Variants in ROCK1 observed in about 807,000 individuals in gnomAD.
The protein encoded by ROCK1 is rho-associated protein kinase 1.
In ROCK1, 36 loss-of-function variants were observed where a neutral mutation model predicts 196.8. That is an observed-to-expected ratio of 0.18 (90% CI 0.14 to 0.24). The LOEUF (loss-of-function observed/expected upper bound fraction) is 0.24, where lower values mean the gene tolerates loss of function less well. Among genes scored for constraint, ROCK1 ranks in the 10% least tolerant of loss-of-function variants. The pLI is 1.00. For synonymous variants in ROCK1, 443 were observed against 515.9 expected (o/e 0.86, Z 1.91); for missense variants, 920 against 1,562.0 (o/e 0.59, Z 6.93).
At chr18:21,019,412 A>C (rs2035892874) in intron 12 of ROCK1, among the ~76,000 whole-genome samples, 2 of 152,074 alleles carry the variant, frequency 1.3e-5, no homozygotes, top group South Asian at 4.1e-4. Flanking sequence ...TGTGCAGCCT[A>C]ATTTGCCCTT....
At chr18:21,005,689 C>G (rs2035762512) in intron 16 of ROCK1, among the ~76,000 whole-genome samples, 1 of 152,034 alleles carries the variant, frequency 6.6e-6, no homozygotes, top group South Asian at 2.1e-4. Context: ...CCAGCCTGGG[C>G]AAAATGGTGA....
At chr18:20,966,551 T>A (rs2143352784) in intron 27 of ROCK1, among the ~76,000 whole-genome samples, 1 of 152,336 alleles carries the variant, frequency 6.6e-6, no homozygotes, top group Admixed American at 6.5e-5. Flanking sequence ...CAAGAATACA[T>A]AAAATGTTAA....
Position 20,950,418 on chromosome 18 carries a change from C to T in ROCK1, c.*966G>A, listed in dbSNP as rs555638103. The T allele has an allele frequency of 1.7e-4, 26 of 152,594 alleles. No individual in the cohort carries two copies. The highest frequency in any genetic ancestry group is 5.8e-4 in the African/African-American group (24 of 41,516). 9.5% of individuals were successfully genotyped at this position (152,594 alleles called of 1,614,324 possible). On this transcript the variant is annotated 3_prime_UTR_variant, in exon 33 of 33. Coordinates refer to ENST00000399799, the MANE Select transcript of ROCK1 (RefSeq NM_005406.3). ...ACATTTTTTGAAATTTCTATACTTACTCATGGCAGTAAAATAATTATCTCA... is the reference window on the plus strand; with the variant it reads ...ACATTTTTTGAAATTTCTATACTTATTCATGGCAGTAAAATAATTATCTCA...
chr18:20,978,288 C>T (rs1299933245), intron 22 of ROCK1, among the ~76,000 whole-genome samples: 3 of 151,670 alleles, frequency 2.0e-5, no homozygotes, highest in African/African-American at 7.3e-5. Context: ...ACATTGAATG[C>T]CATAGTGGTT....
chr18:21,034,556 TC>T (rs1445493998), intron 9 of ROCK1, among the ~76,000 whole-genome samples: 4 of 152,174 alleles, frequency 2.6e-5, no homozygotes, highest in Admixed American at 6.5e-5. Flanking sequence ...GAAAGGACAG[TC>T]CTTTCAACAC....
intron 22 of ROCK1, among the ~76,000 whole-genome samples, chr18:20,970,988 C>T (rs2035420673): frequency 6.6e-6 from 1 of 152,156 alleles, no homozygotes; most frequent in Non-Finnish European, 1.5e-5. Context: ...CTAGTCCCTT[C>T]CAGCTCTGAA....
intron 1 of ROCK1, among the ~76,000 whole-genome samples, chr18:21,089,953 A>AT (rs2036556353): frequency 6.6e-6 from 1 of 152,220 alleles, no homozygotes; most frequent in Non-Finnish European, 1.5e-5. Context: ...ATAACTGGAA[A>AT]TTATTTGCTA....
At chr18:21,014,946 T>C (rs1276293409) in intron 13 of ROCK1, among the ~76,000 whole-genome samples, 1 of 152,256 alleles carries the variant, frequency 6.6e-6, no homozygotes, top group African/African-American at 2.4e-5. Flanking sequence ...GAATGCTTGT[T>C]ATTGTTTCTC....
At chr18:21,053,742 C>G (rs2036223827) in intron 2 of ROCK1, among the ~76,000 whole-genome samples, 1 of 152,062 alleles carries the variant, frequency 6.6e-6, no homozygotes, top group Non-Finnish European at 1.5e-5. Flanking sequence ...GAGGCTGAGG[C>G]AGAAGGACTG....
chr18:20,997,385 T>C (rs2035681173), intron 16 of ROCK1, among the ~76,000 whole-genome samples: 1 of 152,002 alleles, frequency 6.6e-6, no homozygotes, highest in Non-Finnish European at 1.5e-5. Context: ...ACAAAAACTA[T>C]AAAAAGGCAC....
At chr18:20,959,362 C>T (rs1319804240) in intron 29 of ROCK1, among the ~76,000 whole-genome samples, 8 of 147,642 alleles carry the variant, frequency 5.4e-5, no homozygotes, top group African/African-American at 1.3e-4. Context: ...CAGGCGCCTG[C>T]CACCACGCCC....
At chr18:21,090,443 A>T (rs1323053014) in intron 1 of ROCK1, among the ~76,000 whole-genome samples, 1 of 152,212 alleles carries the variant, frequency 6.6e-6, no homozygotes, top group Non-Finnish European at 1.5e-5. Flanking sequence ...GAAGCCAAAT[A>T]AAGTGATTCC....
chr18:21,033,170 C>G (rs1478832881), intron 9 of ROCK1, among the ~76,000 whole-genome samples: 1 of 151,902 alleles, frequency 6.6e-6, no homozygotes, highest in Non-Finnish European at 1.5e-5. Flanking sequence ...GCATTCCAGC[C>G]TGGGCAACAG....
rs141205624 is a variant in ROCK1, at chr18:20,991,210, T to C, written c.2109A>G (p.Gln703=). 1 of 1,612,336 alleles carries C rather than the reference T, an allele frequency of 6.2e-7. No individual in the cohort carries two copies. The highest frequency in any genetic ancestry group is 8.5e-7 in the Non-Finnish European group (1 of 1,179,508). Residue 703 remains glutamine, a synonymous_variant, in exon 18 of 33, where the codon CAA becomes CAG. Transcript: ENST00000399799. ...CCACAGACTTTGCCTCTTCAATAGA[T>C]TGATGTTTGTCAGTTAAACGAGCTT... is the stretch of plus-strand genomic sequence containing the variant. ...VTKARLTDKH[Q]SIEEAKSVAM...
At chr18:21,031,401 G>A (rs1386126503) in intron 9 of ROCK1, among the ~76,000 whole-genome samples, 2 of 151,774 alleles carry the variant, frequency 1.3e-5, no homozygotes, top group Admixed American at 6.6e-5. Flanking sequence ...TCAGGAGATC[G>A]AGACCATCCT....
chr18:20,990,294 T>G (rs2035612773), intron 18 of ROCK1, among the ~76,000 whole-genome samples: 1 of 151,162 alleles, frequency 6.6e-6, no homozygotes, highest in Admixed American at 6.6e-5. Context: ...AGGTCCAGAG[T>G]GGATCATAAA....
chr18:20,986,911 C>A (rs2035582828), intron 19 of ROCK1, 39 bp downstream of exon 19: 2 of 1,529,472 alleles, frequency 1.3e-6, no homozygotes, highest in African/African-American at 2.8e-5. Context: ...AACCGTTTCT[C>A]TTTTAATAGA....
intron 25 of ROCK1, 101 bp from the exon 26 acceptor site, chr18:20,968,041 T>A: frequency 2.7e-6 from 3 of 1,117,852 alleles, no homozygotes; most frequent in Non-Finnish European, 3.6e-6. Context: ...TTTCTGTGTG[T>A]ATGAAAATTA....
intron 22 of ROCK1, 126 bp downstream of exon 22, chr18:20,979,784 G>C: frequency 8.6e-7 from 1 of 1,167,030 alleles, no homozygotes; most frequent in South Asian, 1.6e-5. Context: ...GATTTGTTCT[G>C]AATTAGCCCA....
Sources: gnomAD v4.1 joint callset for allele counts (sites outside exome capture counted in the v4.1 genomes callset) on GRCh38, gnomAD v4.1.1 for gene constraint, MANE v1.5 for transcripts, NCBI Gene and HGNC (gene_info 2026-07-23, HGNC 2026-07-21) for gene names.